The following RPRD1A variants were observed in gnomAD, a reference collection of about 807,000 sequenced individuals.
The protein encoded by RPRD1A is regulation of nuclear pre-mRNA domain containing 1A, also known as regulation of nuclear pre-mRNA domain-containing protein 1A.
Under a neutral mutation model 37.8 loss-of-function variants are expected in RPRD1A, and 9 were observed. The observed-to-expected ratio is 0.24, with a 90% CI of 0.14 to 0.42. The LOEUF is 0.42. Ranked by LOEUF, RPRD1A falls within the 10% of genes least tolerant of loss-of-function variation. The pLI is 1.00. For missense variants in RPRD1A, 255 were observed against 371.0 expected (o/e 0.69, Z 2.57); for synonymous variants, 138 against 139.7 (o/e 0.99, Z 0.08).
At chr18:36,049,688 A>C (rs1470432897) in intron 1 of RPRD1A, among the ~76,000 whole-genome samples, 2 of 152,206 alleles carry the variant, frequency 1.3e-5, no homozygotes, top group African/African-American at 2.4e-5. Flanking sequence ...TGTATACACT[A>C]CATTATGTTT....
Position 36,038,338 on chromosome 18 carries a change from C to T in RPRD1A, c.152-4501G>A, listed in dbSNP as rs530474207. Among the ~76,000 whole-genome samples, 22 of 152,302 alleles carry T rather than the reference C, an allele frequency of 1.4e-4. No individual in the cohort carries two copies. In the South Asian group the frequency reaches 1.9e-3, roughly 13 times the overall value. ...CCAGCTGCTCCAGCTCTAGCCATGGCTAAAAGGGGCCAGGGCACAGCTTGG... is the reference window on the plus strand; with the variant it reads ...CCAGCTGCTCCAGCTCTAGCCATGGTTAAAAGGGGCCAGGGCACAGCTTGG... On this transcript the variant is annotated intron_variant, in intron 1 of 6. Coordinates refer to ENST00000399022, the MANE Select transcript of RPRD1A (RefSeq NM_018170.5).
intron 1 of RPRD1A, among the ~76,000 whole-genome samples, chr18:36,047,982 T>A (rs1043875637): frequency 1.4e-4 from 22 of 151,918 alleles, no homozygotes; most frequent in African/African-American, 4.8e-4. Context: ...GCTATGGTAC[T>A]CTGATATCAA....
intron 1 of RPRD1A, among the ~76,000 whole-genome samples, chr18:36,060,359 G>T (rs2088882730): frequency 6.6e-6 from 1 of 152,036 alleles, no homozygotes; most frequent in South Asian, 2.1e-4. Context: ...CATGAACCCG[G>T]GAAGGTGGAG....
At chr18:36,045,488 G>T (rs1912889751) in intron 1 of RPRD1A, among the ~76,000 whole-genome samples, 2 of 152,146 alleles carry the variant, frequency 1.3e-5, no homozygotes, top group Admixed American at 1.3e-4. Flanking sequence ...TCATGAATTT[G>T]CATTTTCAGT....
At chr18:36,005,665 G>A (rs995151993) in intron 6 of RPRD1A, among the ~76,000 whole-genome samples, 1 of 152,152 alleles carries the variant, frequency 6.6e-6, no homozygotes, top group African/African-American at 2.4e-5. Context: ...GAAATCCACA[G>A]CATGAAAATG....
chr18:36,029,869 T>G (rs142530440), intron 4 of RPRD1A, among the ~76,000 whole-genome samples: 1 of 151,728 alleles, frequency 6.6e-6, no homozygotes, highest in Non-Finnish European at 1.5e-5. Context: ...GCAGTGGTGC[T>G]ATCTCGGTTC....
intron 6 of RPRD1A, among the ~76,000 whole-genome samples, chr18:36,001,477 A>G (rs901548434): frequency 6.6e-6 from 1 of 152,216 alleles, no homozygotes; most frequent in Non-Finnish European, 1.5e-5. Flanking sequence ...TATCCAGTTA[A>G]TAAAGAATCC....
chr18:36,018,915 C>T (rs1414865224), intron 6 of RPRD1A, among the ~76,000 whole-genome samples: 1 of 152,014 alleles, frequency 6.6e-6, no homozygotes, highest in African/African-American at 2.4e-5. Flanking sequence ...AAGGAACCAG[C>T]TAAGGAAAGA....
chr18:36,031,169 C>T lies in RPRD1A; in HGVS notation c.282-72G>A, dbSNP rs535294556. ...TGCATAGTGTTATTGAAAAGGTTAA[C>T]GGTAACTTTAAATATAATCAGACAT... On this transcript the variant is annotated intron_variant, in intron 2 of 6. Coordinates refer to ENST00000399022, the MANE Select transcript of RPRD1A (RefSeq NM_018170.5). 63 of 1,419,474 alleles carry T rather than the reference C, an allele frequency of 4.4e-5. 2 individuals are homozygous for T. The African/African-American group carries it at 5.5e-4, about 12-fold the overall frequency. The allele number at this position is 1,419,474 out of a possible 1,614,324, so 87.9% of individuals were successfully genotyped here. A position where few individuals can be genotyped will look rare whatever the true frequency, so the allele number is the denominator to read the frequency against.
chr18:36,017,352 T>C (rs1313570876), intron 6 of RPRD1A, among the ~76,000 whole-genome samples: 1 of 152,142 alleles, frequency 6.6e-6, no homozygotes, highest in East Asian at 1.9e-4. Flanking sequence ...GTTCAGGCTT[T>C]TACTGCTGAG....
intron 1 of RPRD1A, among the ~76,000 whole-genome samples, chr18:36,051,681 A>C (rs891844568): frequency 6.6e-6 from 1 of 152,188 alleles, no homozygotes; most frequent in African/African-American, 2.4e-5. Context: ...TAAGAAATTC[A>C]ACACATTATT....
chr18:36,043,591 T>C (rs1489138361), intron 1 of RPRD1A, among the ~76,000 whole-genome samples: 1 of 152,186 alleles, frequency 6.6e-6, no homozygotes, highest in Non-Finnish European at 1.5e-5. Flanking sequence ...CACCATAAAA[T>C]ACACTGTCAA....
At chr18:36,025,778 C>T in intron 6 of RPRD1A, 1 of 425,424 alleles carries the variant, frequency 2.4e-6, no homozygotes, top group Non-Finnish European at 3.9e-6. Context: ...GACAATAAAA[C>T]AATTAACACT....
chr18:36,004,828 G>A (rs187650128), intron 6 of RPRD1A, among the ~76,000 whole-genome samples: 3 of 152,100 alleles, frequency 2.0e-5, no homozygotes, highest in African/African-American at 2.4e-5. Context: ...ACTTGAACCT[G>A]GGAGGCAGAG....
At chr18:36,063,270 C>A (rs913743391) in intron 1 of RPRD1A, among the ~76,000 whole-genome samples, 3 of 152,166 alleles carry the variant, frequency 2.0e-5, no homozygotes, top group Non-Finnish European at 4.4e-5. Context: ...GCAGCCTAAA[C>A]CTCTTGGGCT....
intron 1 of RPRD1A, among the ~76,000 whole-genome samples, chr18:36,037,889 TAA>T (rs1323311564): frequency 1.3e-5 from 2 of 152,134 alleles, no homozygotes; most frequent in Non-Finnish European, 2.9e-5. Context: ...ACTTTGAGGT[TAA>T]AAGAGATGAT....
chr18:35,996,894 C>T (rs1042156627), intron 6 of RPRD1A, among the ~76,000 whole-genome samples: 1 of 149,712 alleles, frequency 6.7e-6, no homozygotes, highest in African/African-American at 2.5e-5. Context: ...GTGGGAGTCA[C>T]CTGGGCCCAG....
chr18:35,994,190 TG>T (rs1192094851), intron 6 of RPRD1A, among the ~76,000 whole-genome samples: 1 of 152,196 alleles, frequency 6.6e-6, no homozygotes, highest in African/African-American at 2.4e-5. Context: ...GATATGTCCA[TG>T]GCAATTCACT....
At chr18:36,023,545 A>G (rs1911153027) in intron 6 of RPRD1A, among the ~76,000 whole-genome samples, 1 of 152,282 alleles carries the variant, frequency 6.6e-6, no homozygotes, top group African/African-American at 2.4e-5. Context: ...AAGCAGTAGC[A>G]GGGCTTGAGA....
Sources: allele counts gnomAD v4.1 joint callset (sites outside exome capture counted in the v4.1 genomes callset), GRCh38; gene constraint gnomAD v4.1.1; transcripts MANE v1.5; gene names NCBI Gene and HGNC (gene_info 2026-07-23, HGNC 2026-07-21).